CEACAM8: variants seen among roughly 807,000 people sequenced by gnomAD.
CEACAM8 encodes CEA cell adhesion molecule 8.
CEACAM8 carries 31 observed loss-of-function variants against 33.4 expected under a neutral mutation model. The ratio of observed to expected loss-of-function variants is 0.93; its 90% CI spans 0.70 to 1.25. CEACAM8 has a LOEUF of 1.25. CEACAM8 is among the 50% of genes most tolerant of loss of function. The pLI, the probability that CEACAM8 is intolerant of heterozygous loss-of-function variation, is 0.00. For missense variants in CEACAM8, 388 were observed against 434.6 expected (o/e 0.89, Z 0.95); for synonymous variants, 138 against 164.5 (o/e 0.84, Z 1.23).
chr19:42,593,967 C>A, intron 1 of CEACAM8, 67 bp from the exon 2 acceptor site: 1 of 1,500,466 alleles, frequency 6.7e-7, no homozygotes. Flanking sequence ...ATGGGGACAT[C>A]AGCTTTGGAG....
chr19:42,593,773 G>C lies in CEACAM8; in HGVS notation c.192C>G (p.Gly64=). The change falls in exon 2 of 6, where the codon GGC becomes GGG. Residue 64 remains glycine (G), a synonymous_variant. Transcript: ENST00000244336. ...LVHNLPQDPR[G]YNWYKGETVD... ...CTGTTTCCCCTTTGTACCAGTTGTA[G>C]CCACGAGGGTCCTGGGGCAGATTGT... 1 of 1,614,052 alleles carries C rather than the reference G, an allele frequency of 6.2e-7. No homozygotes were observed. Among genetic ancestry groups the C allele is most frequent in the Admixed American group, 1.7e-5 (1 of 60,004 alleles).
At chr19:42,594,437 C>T (rs1422807780) in intron 1 of CEACAM8, among the ~76,000 whole-genome samples, 2 of 152,170 alleles carry the variant, frequency 1.3e-5, no homozygotes, top group African/African-American at 2.4e-5. Flanking sequence ...CAATGTCTGA[C>T]ATTGTTGGCT....
At chr19:42,588,237 CCATACA>C (rs1344165532) in intron 4 of CEACAM8, among the ~76,000 whole-genome samples, 1 of 152,188 alleles carries the variant, frequency 6.6e-6, no homozygotes, top group African/African-American at 2.4e-5. Context: ...AGCACCTTTT[CCATACA>C]CCTGGGTCCC....
chr19:42,592,013 C>T (rs45624131), intron 2 of CEACAM8, among the ~76,000 whole-genome samples: 4,721 of 152,276 alleles, frequency 0.031, 110 homozygotes, highest in Non-Finnish European at 0.05. Context: ...GGACATTCCT[C>T]GCACTGGCTC....
chr19:42,588,784 C>A lies in CEACAM8; in HGVS notation c.958G>T (p.Asp320Tyr), dbSNP rs766761936. 6.2e-7 allele frequency: 1 copy of A among 1,614,078 alleles called. No homozygotes were observed. The highest frequency in any genetic ancestry group is 1.1e-5 in the South Asian group (1 of 91,078). The change falls in exon 4 of 6, where the codon GAT (aspartate) becomes TAT (tyrosine). Residue 320 changes from aspartate to tyrosine, a missense_variant and splice_region_variant. Transcript: ENST00000244336. The part of the protein sequence containing the change: ...RTTVRMITVS[D>Y]ALVQGSSPGL... Reference sequence around the variant, plus strand: ...GCCAGTGCTCCAGGGATCCACTTACCAGAGACTGTGATCATCCTGACTGTG... The same window carrying A: ...GCCAGTGCTCCAGGGATCCACTTACAAGAGACTGTGATCATCCTGACTGTG...
Position 42,588,679 on chromosome 19 carries a change from C to G in CEACAM8, c.958+105G>C. 4 of 1,255,768 alleles carry G rather than the reference C, an allele frequency of 3.2e-6. No homozygotes were observed. The South Asian group carries it at 5.4e-5, about 17-fold the overall frequency. The allele number at this position is 1,255,768 out of a possible 1,614,324, so 77.8% of individuals were successfully genotyped here. On this transcript the variant is annotated intron_variant, in intron 4 of 5. Transcript: ENST00000244336. ...GAGAAAAGTTGGGGATTTGCTTGTG[C>G]TGTTGGACACAGGCTGGGAATAAAA...
At chr19:42,594,385 C>T (rs1006284117) in intron 1 of CEACAM8, among the ~76,000 whole-genome samples, 3 of 152,186 alleles carry the variant, frequency 2.0e-5, no homozygotes, top group Non-Finnish European at 2.9e-5. Flanking sequence ...GGATGAGTTC[C>T]TGAGCATTCC....
intron 1 of CEACAM8, among the ~76,000 whole-genome samples, chr19:42,594,215 T>G (rs2042503434): frequency 6.6e-6 from 1 of 152,194 alleles, no homozygotes; most frequent in Non-Finnish European, 1.5e-5. Context: ...TTCTGACCTT[T>G]CCCTGCTGTG....
chr19:42,588,946 G>A lies in CEACAM8; in HGVS notation c.796C>T (p.Pro266Ser). 1 of 1,614,184 alleles carries A rather than the reference G, an allele frequency of 6.2e-7. No homozygotes were observed. Among genetic ancestry groups the A allele is most frequent in the South Asian group, 1.1e-5 (1 of 91,086 alleles). ...NLSCHAASNP[P>S]SQYSWSVNGT... The stretch of plus-strand genomic sequence containing the variant: ...TTGACAGACCAAGAATACTGTGAGG[G>A]TGGATTAGAGGCCGCATGGCAGGAG... The change falls in exon 4 of 6, where the codon CCC becomes TCC. Residue 266 changes from proline (P) to serine (S), a missense_variant. By Grantham distance (74) the Pro-to-Ser change is moderately conservative. Coordinates refer to ENST00000244336, the MANE Select transcript of CEACAM8 (RefSeq NM_001816.4).
At position 42,588,890 on chromosome 19, in the gene CEACAM8, G is replaced by A. The variant is rs759168668; in HGVS notation, c.852C>T (p.Leu284=). 4.6e-5 allele frequency: 74 copies of A among 1,614,074 alleles called. No homozygotes were observed. Among genetic ancestry groups the A allele is most frequent in the Non-Finnish European group, 6.1e-5 (72 of 1,180,044 alleles). The change falls in exon 4 of 6, where the codon CTC becomes CTT. Residue 284 remains leucine, a synonymous_variant. Coordinates refer to ENST00000244336, the MANE Select transcript of CEACAM8 (RefSeq NM_001816.4). ...NGTFQQYTQK[L]FIPNITTKNS... ...TCTTTGTAGTGATGTTGGGGATAAA[G>A]AGCTTTTGTGTGTATTGCTGGAATG...
intron 4 of CEACAM8, among the ~76,000 whole-genome samples, chr19:42,588,479 A>C (rs1016815638): frequency 6.6e-6 from 1 of 152,180 alleles, no homozygotes; most frequent in East Asian, 1.9e-4. Context: ...AAGAAAAGCA[A>C]CTTGACCTTG....
In CEACAM8 at chr19:42,593,766, A is replaced by G; in HGVS notation, c.199T>C (p.Trp67Arg). The change falls in exon 2 of 6, where the codon TGG (tryptophan) becomes CGG (arginine). Residue 67 changes from tryptophan (W) to arginine (R), a missense_variant. Physicochemically the swap from Trp to Arg is moderately radical, Grantham distance 101 (BLOSUM62 -3). Transcript: ENST00000244336. ...GCATCCACTGTTTCCCCTTTGTACC[A>G]GTTGTAGCCACGAGGGTCCTGGGGC... ...NLPQDPRGYNWYKGETVDANR... is the reference protein window; with the variant it reads ...NLPQDPRGYNRYKGETVDANR... 6.2e-7 allele frequency: 1 copy of G among 1,614,016 alleles called. No individual in the cohort carries two copies.
chr19:42,582,962 A>G, intron 5 of CEACAM8: 1 of 371,072 alleles, frequency 2.7e-6, no homozygotes, highest in Non-Finnish European at 4.8e-6. Context: ...AGAAAGGATC[A>G]AAAGACTTTC....
Position 42,588,802 on chromosome 19 carries a change from T to C in CEACAM8, c.940A>G (p.Arg314Gly). 2 of 1,614,214 alleles carry C rather than the reference T, an allele frequency of 1.2e-6. No homozygotes were observed. The highest frequency in any genetic ancestry group is 8.5e-7 in the Non-Finnish European group (1 of 1,180,018). ...SATGRNRTTV[R>G]MITVSDALVQ... is the part of the protein sequence containing the mutation. ...CACTTACCAGAGACTGTGATCATCC[T>C]GACTGTGGTCCTGTTGCGGCCAGTG... is the stretch of plus-strand genomic sequence containing the variant. The change falls in exon 4 of 6, where the codon AGG becomes GGG. Residue 314 changes from arginine (R) to glycine (G), a missense_variant. Arg to Gly is a moderately radical substitution (Grantham distance 125, BLOSUM62 -2). Transcript: ENST00000244336.
chr19:42,591,563 C>A (rs1011531236), intron 2 of CEACAM8, among the ~76,000 whole-genome samples: 2 of 152,184 alleles, frequency 1.3e-5, no homozygotes, highest in African/African-American at 4.8e-5. Context: ...AACAGGTATG[C>A]GCAATGCTTT....
rs764085069 is a variant in CEACAM8 at position 42,588,960 on chromosome 19, G to A, written c.782C>T (p.Ala261Val). ...ATACTGTGAGGGTGGATTAGAGGCC[G>A]CATGGCAGGAGAGGTTGAGATTTAC... The part of the protein sequence containing the change: ...AGVNLNLSCH[A>V]ASNPPSQYSW... The change falls in exon 4 of 6, where the codon GCG becomes GTG. Residue 261 changes from alanine (A) to valine (V), a missense_variant. Transcript: ENST00000244336. 13 of 1,614,056 alleles carry A rather than the reference G, an allele frequency of 8.1e-6. No homozygotes were observed. The highest frequency in any genetic ancestry group is 2.7e-5 in the African/African-American group (2 of 74,924).
intron 3 of CEACAM8, 113 bp from the exon 4 acceptor site, chr19:42,589,151 C>A: frequency 1.6e-6 from 2 of 1,216,266 alleles, no homozygotes; most frequent in South Asian, 2.9e-5. Context: ...TGAGCCAAGT[C>A]CCAACCAACC....
chr19:42,593,680 G>A lies in CEACAM8; in HGVS notation c.285C>T (p.Tyr95=). The A allele has an allele frequency of 6.2e-7, 1 of 1,614,078 alleles. No homozygotes were observed. The highest frequency in any genetic ancestry group is 8.5e-7 in the Non-Finnish European group (1 of 1,179,988). The change falls in exon 2 of 6, where the codon TAC becomes TAT. Residue 95 remains tyrosine (Y), a synonymous_variant. Transcript: ENST00000244336. ...TGGGGTATATTGTCTCTCGATTGCT[G>A]TATGCAGGCCCTGGGGTAATCTGTT... The part of the protein sequence containing the change: ...SNQQITPGPA[Y]SNRETIYPNA...
In CEACAM8 at chr19:42,593,778, G is replaced by A. The variant is rs746094290; in HGVS notation, c.187C>T (p.Arg63Cys). The A allele has an allele frequency of 1.5e-5, 25 of 1,613,942 alleles. No individual in the cohort carries two copies. In the South Asian group the frequency reaches 2.0e-4, roughly 13 times the overall value. The change falls in exon 2 of 6, where the codon CGT becomes TGT. Residue 63 changes from arginine (R) to cysteine (C), a missense_variant. Arg to Cys is a radical substitution (Grantham distance 180, BLOSUM62 -3). Coordinates refer to ENST00000244336, the MANE Select transcript of CEACAM8 (RefSeq NM_001816.4). ...LLVHNLPQDP[R>C]GYNWYKGETV... The stretch of plus-strand genomic sequence containing the variant: ...TCCCCTTTGTACCAGTTGTAGCCAC[G>A]AGGGTCCTGGGGCAGATTGTGGACA...
Sources: gnomAD v4.1 joint callset for allele counts (sites outside exome capture counted in the v4.1 genomes callset) on GRCh38, gnomAD v4.1.1 for gene constraint, MANE v1.5 for transcripts, NCBI Gene and HGNC (gene_info 2026-07-23, HGNC 2026-07-21) for gene names.